Variants in FNDC7 observed in about 807,000 individuals in gnomAD.
The protein encoded by FNDC7 is fibronectin type III domain containing 7, also known as fibronectin type III domain-containing protein 7.
Under a neutral mutation model 74.2 loss-of-function variants are expected in FNDC7, and 66 were observed. The observed-to-expected ratio is 0.89, with a 90% CI of 0.73 to 1.09. FNDC7 has a LOEUF of 1.09. Among genes scored for constraint, FNDC7 ranks in the 50% least tolerant of loss-of-function variants. The pLI is 0.00. For synonymous variants in FNDC7, 307 were observed against 330.2 expected (o/e 0.93, Z 0.76); for missense variants, 829 against 893.4 (o/e 0.93, Z 0.92).
Position 108,719,745 on chromosome 1 carries a change from T to TGAGAGA in FNDC7, c.598+723_598+728dup, listed in dbSNP as rs67387432. Among the ~76,000 whole-genome samples the TGAGAGA allele has an allele frequency of 1.5e-3, 221 of 148,328 alleles. 1 individual carries two copies. The highest frequency in any genetic ancestry group is 3.4e-3 in the Middle Eastern group (1 of 290). On this transcript the variant is annotated intron_variant, in intron 4 of 12. Coordinates refer to ENST00000370017, the MANE Select transcript of FNDC7 (RefSeq NM_001144937.3). The stretch of plus-strand genomic sequence containing the variant: ...GAGCTGCTGGAGTGAGCCAAGCGAA[T>TGAGAGA]GAGAGAGAGAGAGAGAGAGAGAGAG...
chr1:108,725,963 C>G lies in FNDC7; in HGVS notation c.1070C>G (p.Ala357Gly). ...ATTAGTGTTTTTGTCTATAACAAGG[C>G]AGGGCAAAGTCCTTTGGGTGACATA... Reference protein sequence around the residue: ...YFISVFVYNKAGQSPLGDIFN... With the variant: ...YFISVFVYNKGGQSPLGDIFN... The change falls in exon 6 of 13, where the codon GCA becomes GGA. Residue 357 changes from alanine to glycine, a missense_variant. Physicochemically the swap from Ala to Gly is moderately conservative, Grantham distance 60. Coordinates refer to ENST00000370017, the MANE Select transcript of FNDC7 (RefSeq NM_001144937.3). 1 of 1,614,174 alleles carries G rather than the reference C, an allele frequency of 6.2e-7. No individual in the cohort carries two copies. Among genetic ancestry groups the G allele is most frequent in the Non-Finnish European group, 8.5e-7 (1 of 1,180,024 alleles).
intron 2 of FNDC7, among the ~76,000 whole-genome samples, chr1:108,716,882 T>A (rs569426165): frequency 6.6e-6 from 1 of 152,254 alleles, no homozygotes; most frequent in South Asian, 2.1e-4. Flanking sequence ...CAAATAAAAC[T>A]CAGCTATTTT....
chr1:108,719,315 T>C, intron 4 of FNDC7, among the ~76,000 whole-genome samples: 1 of 152,224 alleles, frequency 6.6e-6, no homozygotes. Context: ...AGCATTCACA[T>C]TCGACCTCAC....
At chr1:108,721,212 G>A (rs1661085260) in intron 4 of FNDC7, among the ~76,000 whole-genome samples, 1 of 152,240 alleles carries the variant, frequency 6.6e-6, no homozygotes, top group Non-Finnish European at 1.5e-5. Context: ...GCTCACGCCT[G>A]TAATCCCAGC....
At position 108,715,306 on chromosome 1, in the gene FNDC7, G is replaced by A. The variant is rs139132904; in HGVS notation, c.82+1777G>A. ...CATTTTTGACTGACCAGAGTGGTTGGTTGCACATCTAGGGAATAAAGTTTT... is the reference window on the plus strand; with the variant it reads ...CATTTTTGACTGACCAGAGTGGTTGATTGCACATCTAGGGAATAAAGTTTT... On this transcript the variant is annotated intron_variant, in intron 2 of 12. Coordinates refer to ENST00000370017, the MANE Select transcript of FNDC7 (RefSeq NM_001144937.3). Among the ~76,000 whole-genome samples, 913 of 152,296 alleles carry A rather than the reference G, an allele frequency of 6.0e-3. 3 individuals carry two copies. The highest frequency in any genetic ancestry group is 9.1e-3 in the Non-Finnish European group (621 of 68,012).
At chr1:108,734,159 C>T (rs1279661350) in intron 10 of FNDC7, 1 of 152,196 alleles carries the variant, frequency 6.6e-6, no homozygotes, top group Non-Finnish European at 1.5e-5. Flanking sequence ...GATTTTTTAA[C>T]ATAGTCTTGC....
intron 7 of FNDC7, 131 bp from the exon 8 acceptor site, chr1:108,728,501 A>G: frequency 1.0e-6 from 1 of 1,004,534 alleles, no homozygotes. Context: ...GGCACTATGA[A>G]TTTGGCCCGC....
intron 11 of FNDC7, among the ~76,000 whole-genome samples, chr1:108,737,793 C>G (rs978845977): frequency 6.6e-6 from 1 of 152,136 alleles, no homozygotes; most frequent in Non-Finnish European, 1.5e-5. Flanking sequence ...GGAGGGGCAG[C>G]GGCTTCATCC....
At position 108,725,909 on chromosome 1, in the gene FNDC7, T is replaced by G; in HGVS notation, c.1016T>G (p.Phe339Cys). ...HCNTSLTQCN[F>C]LSECGFTYFI... is the part of the protein sequence containing the mutation. ...AACACATCTCTCACTCAGTGCAACT[T>G]CTTATCTGAGTGTGGCTTCACTTAT... is the stretch of plus-strand genomic sequence containing the variant. The change falls in exon 6 of 13, where the codon TTC (phenylalanine) becomes TGC (cysteine). Residue 339 changes from phenylalanine to cysteine, a missense_variant. Transcript: ENST00000370017. The G allele has an allele frequency of 1.2e-6, 2 of 1,613,722 alleles. No individual in the cohort carries two copies. The highest frequency in any genetic ancestry group is 1.7e-6 in the Non-Finnish European group (2 of 1,179,612).
At position 108,742,112 on chromosome 1, in the gene FNDC7, G is replaced by T; in HGVS notation, c.*225G>T. 1 of 393,864 alleles carries T rather than the reference G, an allele frequency of 2.5e-6. No homozygotes were observed. Among genetic ancestry groups the T allele is most frequent in the South Asian group, 3.0e-5 (1 of 32,888 alleles). The allele number at this position is 393,864 out of a possible 1,614,324, so 24.4% of individuals were successfully genotyped here. On this transcript the variant is annotated 3_prime_UTR_variant, in exon 13 of 13. Transcript: ENST00000370017. ...AGATCTGCTATGTGAGGACTCTGGA[G>T]AGAAATGAATCCAGAAAGTCCCCTG...
At chr1:108,714,939 C>T (rs1405450332) in intron 2 of FNDC7, among the ~76,000 whole-genome samples, 6 of 152,038 alleles carry the variant, frequency 3.9e-5, no homozygotes, top group African/African-American at 7.2e-5. Flanking sequence ...CTAACTCTGC[C>T]GTCTCTTACA....
intron 2 of FNDC7, among the ~76,000 whole-genome samples, chr1:108,715,691 AC>A (rs1660958363): frequency 6.6e-6 from 1 of 151,862 alleles, no homozygotes; most frequent in South Asian, 2.1e-4. Flanking sequence ...ACACACACAC[AC>A]TTTCCAAGTG....
chr1:108,740,100 T>C (rs1180390874), intron 11 of FNDC7, among the ~76,000 whole-genome samples: 3 of 150,982 alleles, frequency 2.0e-5, no homozygotes, highest in African/African-American at 7.3e-5. Flanking sequence ...TTTGAGGGTT[T>C]CTAAGGTCAT....
chr1:108,713,504 T>C lies in FNDC7; in HGVS notation c.64-7T>C. On this transcript the variant is annotated splice_region_variant and splice_polypyrimidine_tract_variant and intron_variant, in intron 1 of 12. Coordinates refer to ENST00000370017, the MANE Select transcript of FNDC7 (RefSeq NM_001144937.3). ...GTGGTTCTAATTTTCCAAACTTTCCTTTTCAGGTTGCTTCAGCAAAATCAG... is the reference window on the plus strand; with the variant it reads ...GTGGTTCTAATTTTCCAAACTTTCCCTTTCAGGTTGCTTCAGCAAAATCAG... 6.5e-7 allele frequency: 1 copy of C among 1,549,862 alleles called. No homozygotes were observed. Among genetic ancestry groups the C allele is most frequent in the Non-Finnish European group, 8.7e-7 (1 of 1,146,470 alleles).
At chr1:108,716,275 A>G (rs1314432629) in intron 2 of FNDC7, among the ~76,000 whole-genome samples, 2 of 151,536 alleles carry the variant, frequency 1.3e-5, no homozygotes, top group Non-Finnish European at 2.9e-5. Context: ...ATTAGAGGAA[A>G]GAAGGCATAT....
chr1:108,714,322 A>G (rs1660929156), intron 2 of FNDC7, among the ~76,000 whole-genome samples: 1 of 152,232 alleles, frequency 6.6e-6, no homozygotes, highest in Admixed American at 6.5e-5. Context: ...TTTGATACAG[A>G]TACATGTCTG....
chr1:108,728,769 A>C lies in FNDC7; in HGVS notation c.1507A>C (p.Thr503Pro). ...GEKGLYQCSS[T>P]GESCTMRGLP... is the part of the protein sequence containing the mutation. ...GAAAGGACTGTATCAGTGCAGCAGC[A>C]CAGGAGAGTCCTGCACCATGCGGGG... Residue 503 changes from threonine (T) to proline (P), a missense_variant, in exon 8 of 13, where the codon ACA (threonine) becomes CCA (proline). Physicochemically the swap from Thr to Pro is conservative, Grantham distance 38. Transcript: ENST00000370017. 6.2e-7 allele frequency: 1 copy of C among 1,614,286 alleles called. No homozygotes were observed. Among genetic ancestry groups the C allele is most frequent in the South Asian group, 1.1e-5 (1 of 91,092 alleles).
intron 12 of FNDC7, 21 bp downstream of exon 12, chr1:108,741,862 T>C (rs1661657675): frequency 6.4e-7 from 1 of 1,572,100 alleles, no homozygotes; most frequent in South Asian, 1.1e-5. Context: ...TAAATTGATT[T>C]TGTGTGATTT....
At chr1:108,730,550 A>G in intron 8 of FNDC7, 124 bp from the exon 9 acceptor site, 2 of 1,117,322 alleles carry the variant, frequency 1.8e-6, no homozygotes, top group Admixed American at 5.7e-5. Context: ...TTTATTAACA[A>G]TGGAAAGTTG....
Sources: allele counts gnomAD v4.1 joint callset (sites outside exome capture counted in the v4.1 genomes callset), GRCh38; gene constraint gnomAD v4.1.1; transcripts MANE v1.5; gene names NCBI Gene and HGNC (gene_info 2026-07-23, HGNC 2026-07-21).